The following FSD1 variants were observed in gnomAD, a reference collection of about 807,000 sequenced individuals.
FSD1 encodes fibronectin type III and SPRY domain-containing protein 1.
Under a neutral mutation model 58.2 loss-of-function variants are expected in FSD1, and 23 were observed. The ratio of observed to expected loss-of-function variants is 0.40; its 90% CI spans 0.28 to 0.56. FSD1 has a LOEUF of 0.56. Among genes scored for constraint, FSD1 ranks in the 20% least tolerant of loss-of-function variants. FSD1 has a pLI of 0.54. For synonymous variants in FSD1, 265 were observed against 263.4 expected (o/e 1.01, Z -0.06); for missense variants, 563 against 670.8 (o/e 0.84, Z 1.78).
At position 4,308,030 on chromosome 19, in the gene FSD1, C is replaced by T. The variant is rs373168938; in HGVS notation, c.345+47C>T. The stretch of plus-strand genomic sequence containing the variant: ...AGGTAAAGAACAGTGTGCCCAGTCA[C>T]GTTTGCATTTCAGGTGAACAAGCAC... On this transcript the variant is annotated intron_variant, in intron 4 of 12. Transcript: ENST00000221856. 113 of 1,448,496 alleles carry T rather than the reference C, an allele frequency of 7.8e-5. No individual in the cohort carries two copies. In the African/African-American group the frequency reaches 1.3e-3, roughly 17 times the overall value. 89.7% of individuals were successfully genotyped at this position (1,448,496 alleles called of 1,614,324 possible). A position where few individuals can be genotyped will look rare whatever the true frequency, so the allele number is the denominator to read the frequency against.
At position 4,323,284 on chromosome 19, in the gene FSD1, C is replaced by T; in HGVS notation, c.1291+47C>T. On this transcript the variant is annotated intron_variant, in intron 11 of 12. Transcript: ENST00000221856. This position sits in a 1 kb window ranked among gnomAD's most constrained non-coding sequence, Gnocchi z 7.7. ...CGTCTCTGGCTGCCCCTGCCTGAGT[C>T]CCCTCCGTCTGCCCCCATCCCACTT... 1 of 1,607,946 alleles carries T rather than the reference C, an allele frequency of 6.2e-7. No homozygotes were observed. Among genetic ancestry groups the T allele is most frequent in the Non-Finnish European group, 8.5e-7 (1 of 1,178,278 alleles).
intron 4 of FSD1, among the ~76,000 whole-genome samples, chr19:4,309,058 G>T (rs539248549): frequency 1.0e-3 from 157 of 152,246 alleles, no homozygotes; most frequent in Middle Eastern, 0.01. Flanking sequence ...CTAGGTGACA[G>T]AGCAAGACTC....
intron 6 of FSD1, chr19:4,310,964 G>A (rs1278662785): frequency 5.2e-6 from 1 of 192,504 alleles, no homozygotes; most frequent in East Asian, 1.4e-4. Context: ...CCCAGGGGTG[G>A]AGCCCTGAGA....
At chr19:4,318,053 A>T (rs1259393615) in intron 8 of FSD1, among the ~76,000 whole-genome samples, 1 of 151,922 alleles carries the variant, frequency 6.6e-6, no homozygotes, top group Non-Finnish European at 1.5e-5. Flanking sequence ...CAGACGTGGG[A>T]GGGAGACTTT....
chr19:4,322,539 GGGT>G (rs1971708116), intron 10 of FSD1, among the ~76,000 whole-genome samples: 1 of 151,664 alleles, frequency 6.6e-6, no homozygotes, highest in Admixed American at 6.6e-5. Flanking sequence ...GGGAATAGCT[GGGT>G]CCGAAGGAGT....
chr19:4,304,815 G>C (rs1365611778), intron 1 of FSD1, 54 bp downstream of exon 1: 8 of 522,632 alleles, frequency 1.5e-5, no homozygotes, highest in Non-Finnish European at 2.2e-5. Flanking sequence ...GCGGGGAAGG[G>C]GACCAGGTGT....
At chr19:4,306,804 G>C (rs1404518364) in intron 3 of FSD1, among the ~76,000 whole-genome samples, 1 of 151,950 alleles carries the variant, frequency 6.6e-6, no homozygotes, top group Non-Finnish European at 1.5e-5. Context: ...CCCGAGTCTG[G>C]CTCAGATCTT....
chr19:4,310,422 A>G (rs1971675397), intron 5 of FSD1, 53 bp from the exon 6 acceptor site: 1 of 1,604,364 alleles, frequency 6.2e-7, no homozygotes, highest in Non-Finnish European at 8.5e-7. Context: ...CCCTCGCGCC[A>G]CGGATGACCA....
At position 4,310,567 on chromosome 19, in the gene FSD1, A is replaced by G; in HGVS notation, c.461A>G (p.Gln154Arg). The G allele has an allele frequency of 6.2e-7, 1 of 1,613,760 alleles. No individual in the cohort carries two copies. The highest frequency in any genetic ancestry group is 8.5e-7 in the Non-Finnish European group (1 of 1,179,968). Residue 154 changes from glutamine to arginine, a missense_variant, in exon 6 of 13, where the codon CAG becomes CGG. Physicochemically the swap from Gln to Arg is conservative, Grantham distance 43. Transcript: ENST00000221856. The stretch of plus-strand genomic sequence containing the variant: ...ATGGTGGACTTCGCGCAAGAGCGGC[A>G]GATGCTACAGGCACTCAAGTTCCTG... ...HLMVDFAQER[Q>R]MLQALKFLPV...
At chr19:4,306,085 G>A (rs1468161451) in intron 2 of FSD1, 44 bp downstream of exon 2, 1 of 1,604,436 alleles carries the variant, frequency 6.2e-7, no homozygotes. Flanking sequence ...GGGAGGGGAG[G>A]AAGCTGGAGG....
intron 3 of FSD1, 118 bp downstream of exon 3, chr19:4,306,447 C>T (rs1971623483): frequency 2.1e-6 from 2 of 951,010 alleles, no homozygotes; most frequent in East Asian, 2.6e-5. Flanking sequence ...CTCCCCTGAC[C>T]CCTCCATCCA....
chr19:4,317,061 T>C lies in FSD1; in HGVS notation c.701-121T>C, dbSNP rs572969449. ...AGCCAGTGCGCCCGGCTGGATAAGA[T>C]GTTTATAAGGTGGTTCTTAGAATGG... On this transcript the variant is annotated intron_variant, in intron 7 of 12. Transcript: ENST00000221856. 19 of 676,218 alleles carry C rather than the reference T, an allele frequency of 2.8e-5. No homozygotes were observed. In the East Asian group the frequency reaches 4.9e-4, roughly 17 times the overall value. 41.9% of individuals were successfully genotyped at this position (676,218 alleles called of 1,614,324 possible). A position where few individuals can be genotyped will look rare whatever the true frequency, so the allele number is the denominator to read the frequency against.
rs1198023006 is a variant in FSD1 at position 4,304,702 on chromosome 19, T to C, written c.-45T>C. On this transcript the variant is annotated 5_prime_UTR_variant, in exon 1 of 13. Transcript: ENST00000221856. ...GCAAAGGCAGCTTGGGGACCCAGCG[T>C]GCGCGGGGCCCGCGGGCCGGGCCGG... 1.8e-5 allele frequency: 18 copies of C among 993,178 alleles called. No homozygotes were observed. Among genetic ancestry groups the C allele is most frequent in the Non-Finnish European group, 2.2e-5 (18 of 835,778 alleles). The allele number at this position is 993,178 out of a possible 1,614,324, so 61.5% of individuals were successfully genotyped here. A position where few individuals can be genotyped will look rare whatever the true frequency, so the allele number is the denominator to read the frequency against.
chr19:4,318,853 C>G lies in FSD1; in HGVS notation c.960-19C>G. ...TTGAACTGAGCCTCCTGAGCCTGCC[C>G]ACTCCCTGCCCACCACAGAGGTACT... On this transcript the variant is annotated intron_variant, in intron 9 of 12. Coordinates refer to ENST00000221856, the MANE Select transcript of FSD1 (RefSeq NM_024333.3). The G allele has an allele frequency of 6.2e-7, 1 of 1,606,864 alleles. No individual in the cohort carries two copies. The highest frequency in any genetic ancestry group is 2.2e-5 in the East Asian group (1 of 44,848).
chr19:4,314,918 G>A (rs115523332), intron 7 of FSD1, among the ~76,000 whole-genome samples: 1,692 of 152,310 alleles, frequency 0.011, 17 homozygotes, highest in African/African-American at 0.026. Context: ...CAGGTGCTAC[G>A]CTTTATAACC....
At chr19:4,310,214 G>C in intron 4 of FSD1, 59 bp from the exon 5 acceptor site, 2 of 1,598,184 alleles carry the variant, frequency 1.3e-6, no homozygotes, top group Non-Finnish European at 1.7e-6. Context: ...AACAGAGCAA[G>C]ACTCCGTCTC....
intron 9 of FSD1, 36 bp downstream of exon 9, chr19:4,318,541 G>A: frequency 6.5e-7 from 1 of 1,527,010 alleles, no homozygotes; most frequent in African/African-American, 1.4e-5. Flanking sequence ...GTCTCTGGTG[G>A]AGGAGATCAG....
At chr19:4,305,823 C>T (rs948915090) in intron 1 of FSD1, 123 bp from the exon 2 acceptor site, 37 of 734,046 alleles carry the variant, frequency 5.0e-5, no homozygotes, top group South Asian at 2.7e-4. Flanking sequence ...TGTGCGCACG[C>T]GTGTGCATTT....
chr19:4,322,957 C>G, intron 10 of FSD1, 29 bp from the exon 11 acceptor site: 3 of 1,592,962 alleles, frequency 1.9e-6, no homozygotes, highest in Non-Finnish European at 2.6e-6. Context: ...TCCAGTTCCC[C>G]TGCCCACCCC....
Sources: allele counts gnomAD v4.1 joint callset (sites outside exome capture counted in the v4.1 genomes callset), GRCh38; gene constraint gnomAD v4.1.1; non-coding constraint Gnocchi (gnomAD v3.1); transcripts MANE v1.5; gene names NCBI Gene and HGNC (gene_info 2026-07-23, HGNC 2026-07-21).